Variants in ABI1 observed in about 807,000 individuals in gnomAD.
The protein encoded by ABI1 is Abelson interactor 1.
ABI1 carries 14 observed loss-of-function variants against 54.6 expected under a neutral mutation model. That is an observed-to-expected ratio of 0.26 (90% CI 0.17 to 0.40). The LOEUF is 0.40. Among genes scored for constraint, ABI1 ranks in the 10% least tolerant of loss-of-function variants. The pLI is 1.00. For missense variants in ABI1, 443 were observed against 598.3 expected (o/e 0.74, Z 2.71); for synonymous variants, 194 against 209.3 (o/e 0.93, Z 0.63).
At chr10:26,842,771 G>T (rs1201033160) in intron 1 of ABI1, among the ~76,000 whole-genome samples, 1 of 152,184 alleles carries the variant, frequency 6.6e-6, no homozygotes, top group Non-Finnish European at 1.5e-5. Flanking sequence ...AAGAGGCTAG[G>T]CGCAGTGGCT....
At chr10:26,845,827 G>A (rs980222120) in intron 1 of ABI1, among the ~76,000 whole-genome samples, 3 of 151,854 alleles carry the variant, frequency 2.0e-5, no homozygotes, top group African/African-American at 7.3e-5. Flanking sequence ...AGTCTACCAT[G>A]ATGAGTTCAG....
At chr10:26,770,786 A>C (rs1424723061) in intron 4 of ABI1, among the ~76,000 whole-genome samples, 1 of 152,208 alleles carries the variant, frequency 6.6e-6, no homozygotes, top group African/African-American at 2.4e-5. Flanking sequence ...GAAACCTCCT[A>C]ATTGTAAGTC....
At chr10:26,785,986 C>T (rs1405572510) in intron 2 of ABI1, among the ~76,000 whole-genome samples, 1 of 152,174 alleles carries the variant, frequency 6.6e-6, no homozygotes, top group African/African-American at 2.4e-5. Flanking sequence ...AGTCCTATGT[C>T]TCTGGTCCAG....
intron 7 of ABI1, among the ~76,000 whole-genome samples, chr10:26,759,635 T>C (rs1405220797): frequency 6.6e-6 from 1 of 152,066 alleles, no homozygotes; most frequent in Non-Finnish European, 1.5e-5. Context: ...TCTTTAGATA[T>C]AAGTAGATTC....
At chr10:26,857,535 T>TG (rs1051343204) in intron 1 of ABI1, among the ~76,000 whole-genome samples, 2 of 145,512 alleles carry the variant, frequency 1.4e-5, no homozygotes, top group Non-Finnish European at 3.0e-5. Context: ...CCCAGCTACC[T>TG]GGGGGGGCTG....
intron 2 of ABI1, among the ~76,000 whole-genome samples, chr10:26,801,855 G>C (rs923259958): frequency 2.1e-4 from 32 of 152,182 alleles, no homozygotes; most frequent in African/African-American, 7.2e-4. Context: ...AATGGGAATA[G>C]AGCAATGACC....
intron 2 of ABI1, among the ~76,000 whole-genome samples, chr10:26,786,484 T>G (rs1427248645): frequency 6.6e-6 from 1 of 152,092 alleles, no homozygotes; most frequent in East Asian, 1.9e-4. Flanking sequence ...CCTCCTAAAG[T>G]GCTGGGATTA....
intron 2 of ABI1, among the ~76,000 whole-genome samples, chr10:26,780,643 C>T (rs1841992982): frequency 6.6e-6 from 1 of 152,150 alleles, no homozygotes; most frequent in Non-Finnish European, 1.5e-5. Context: ...ACCTCAGCTG[C>T]TTTATGAAGA....
chr10:26,750,700 TAC>T (rs2132403662), intron 10 of ABI1, among the ~76,000 whole-genome samples: 1 of 152,210 alleles, frequency 6.6e-6, no homozygotes, highest in African/African-American at 2.4e-5. Flanking sequence ...TCTATAGAAA[TAC>T]AGATTTTATT....
chr10:26,790,050 T>C (rs949425528), intron 2 of ABI1, among the ~76,000 whole-genome samples: 3 of 152,240 alleles, frequency 2.0e-5, no homozygotes, highest in Admixed American at 6.5e-5. Flanking sequence ...GACATTTAGA[T>C]TGATTCCGTC....
chr10:26,823,345 A>G (rs375423680), intron 1 of ABI1, 40 bp from the exon 2 acceptor site: 18 of 1,391,980 alleles, frequency 1.3e-5, no homozygotes, highest in Non-Finnish European at 1.7e-5. Context: ...TATTTAGATT[A>G]ACATTCATTA....
At chr10:26,815,787 T>C (rs116604924) in intron 2 of ABI1, among the ~76,000 whole-genome samples, 67 of 152,314 alleles carry the variant, frequency 4.4e-4, no homozygotes, top group African/African-American at 1.5e-3. Flanking sequence ...GGTGTGCATC[T>C]GTGGTCCCAG....
chr10:26,847,530 G>A (rs7919153), intron 1 of ABI1, among the ~76,000 whole-genome samples: 39,042 of 151,860 alleles, frequency 0.26, 5,716 homozygotes, highest in South Asian at 0.44. Context: ...GAGGTGAGGT[G>A]GGAGGATTGC....
chr10:26,769,053 A>G, intron 5 of ABI1, 61 bp from the exon 6 acceptor site: 1 of 1,327,320 alleles, frequency 7.5e-7, no homozygotes, highest in South Asian at 1.8e-5. Flanking sequence ...TATTTTTCCC[A>G]AAAATATGTG....
chr10:26,773,608 A>T (rs1388230856), intron 3 of ABI1, among the ~76,000 whole-genome samples: 3 of 152,186 alleles, frequency 2.0e-5, no homozygotes, highest in Non-Finnish European at 4.4e-5. Flanking sequence ...TAGTTTCTAC[A>T]CTGTTTTAAA....
chr10:26,809,955 A>C (rs760163391), intron 2 of ABI1, among the ~76,000 whole-genome samples: 4 of 152,206 alleles, frequency 2.6e-5, no homozygotes, highest in Non-Finnish European at 5.9e-5. Context: ...TGTATCCATT[A>C]AATAAAATCG....
intron 6 of ABI1, among the ~76,000 whole-genome samples, chr10:26,767,200 A>G (rs1840069499): frequency 6.6e-6 from 1 of 152,240 alleles, no homozygotes; most frequent in Non-Finnish European, 1.5e-5. Context: ...CAAGAGTTCA[A>G]TAACAACAAA....
chr10:26,787,286 T>C (rs1842829278), intron 2 of ABI1, among the ~76,000 whole-genome samples: 1 of 152,094 alleles, frequency 6.6e-6, no homozygotes. Context: ...TAAACCCTAT[T>C]AAAAGAGCAT....
intron 7 of ABI1, among the ~76,000 whole-genome samples, chr10:26,759,719 A>C (rs1422350802): frequency 2.6e-5 from 4 of 152,076 alleles, no homozygotes; most frequent in African/African-American, 7.2e-5. Context: ...ATAGAGTCTT[A>C]TAATGATAAG....
Sources: gnomAD v4.1 joint callset for allele counts (sites outside exome capture counted in the v4.1 genomes callset) on GRCh38, gnomAD v4.1.1 for gene constraint, MANE v1.5 for transcripts, NCBI Gene and HGNC (gene_info 2026-07-23, HGNC 2026-07-21) for gene names.